The following DSE variants were observed in gnomAD, a reference collection of about 807,000 sequenced individuals.
DSE encodes dermatan-sulfate epimerase.
DSE carries 36 observed loss-of-function variants against 84.4 expected under a neutral mutation model. The ratio of observed to expected loss-of-function variants is 0.43; its 90% CI spans 0.33 to 0.56. The LOEUF (loss-of-function observed/expected upper bound fraction) is 0.56. Ranked by LOEUF, DSE falls within the 20% of genes least tolerant of loss-of-function variation. The pLI is 0.06. For missense variants in DSE, 862 were observed against 1,169.6 expected, an observed-to-expected ratio of 0.74 and a Z score of 3.84; for synonymous variants, 410 against 430.1, an observed-to-expected ratio of 0.95 and a Z score of 0.58.
chr6:116,369,816 G>T, upstream of DSE: 15 of 978,898 alleles, frequency 1.5e-5, no homozygotes, highest in Admixed American at 2.5e-4. Context: ...TCCTTATTTG[G>T]CCAAATAGAA....
chr6:116,417,520 GC>G (rs1162903814), intron 2 of DSE, among the ~76,000 whole-genome samples: 1 of 151,868 alleles, frequency 6.6e-6, no homozygotes, highest in African/African-American at 2.4e-5. Flanking sequence ...CTTGAGTGGG[GC>G]CAAGTTGACT....
intron 2 of DSE, among the ~76,000 whole-genome samples, chr6:116,298,452 C>T (rs1462703510): frequency 6.6e-6 from 1 of 152,116 alleles, no homozygotes; most frequent in Non-Finnish European, 1.5e-5. Context: ...ACTCAACCAG[C>T]CATTGTTAGT....
At chr6:116,431,217 G>T in intron 4 of DSE, 24 bp downstream of exon 4, 1 of 1,611,712 alleles carries the variant, frequency 6.2e-7, no homozygotes, top group Non-Finnish European at 8.5e-7. Flanking sequence ...TCAGAAGTGT[G>T]AAAACATTAA....
rs570117401 is a variant in DSE at position 116,291,941 on chromosome 6, GGAA to G, written c.-54+32980_-54+32982del. Among the ~76,000 whole-genome samples the G allele has an allele frequency of 5.3e-5, 8 of 152,292 alleles. No homozygotes were observed. The East Asian group carries it at 5.8e-4, about 11-fold the overall frequency. ...AAATGTGATTGAGTTATGGAATACA[GGAA>G]GAAGATCGGGTTGTAGTGGGAGGAG... On this transcript the variant is annotated intron_variant, in intron 2 of 3. Coordinates refer to the DSE transcript ENST00000430252.
At chr6:116,316,585 T>C (rs1460457870) in intron 2 of DSE, among the ~76,000 whole-genome samples, 1 of 151,878 alleles carries the variant, frequency 6.6e-6, no homozygotes, top group East Asian at 1.9e-4. Flanking sequence ...ATTTAAATAA[T>C]TTTGTCAAAG....
chr6:116,366,084 T>C (rs934600990), upstream of DSE: 1 of 152,248 alleles, frequency 6.6e-6, no homozygotes. Context: ...CCTTGGCAGG[T>C]ATTTTATATA....
Position 116,291,543 on chromosome 6 carries a change from G to A in DSE, c.-54+32576G>A, listed in dbSNP as rs544932046. ...GGTAAAATGGAATCTGATAGTTAAA[G>A]GCTTTTTATTATACATTATTATATG... is the stretch of plus-strand genomic sequence containing the variant. On this transcript the variant is annotated intron_variant, in intron 2 of 3. Coordinates refer to the DSE transcript ENST00000430252. Among the ~76,000 whole-genome samples the A allele has an allele frequency of 2.3e-4, 35 of 151,030 alleles. No individual in the cohort carries two copies. In the South Asian group the frequency reaches 5.6e-3, roughly 24 times the overall value.
At chr6:116,371,230 G>A (rs1158278889) in intron 1 of DSE, 109 bp downstream of exon 1, 1 of 982,616 alleles carries the variant, frequency 1.0e-6, no homozygotes, top group East Asian at 1.1e-4. Context: ...GGGAGACGGA[G>A]AGCCACGTCC....
chr6:116,410,804 T>C (rs1280590848), intron 2 of DSE, among the ~76,000 whole-genome samples: 1 of 143,716 alleles, frequency 7.0e-6, no homozygotes, highest in East Asian at 2.0e-4. Context: ...AGATTGCCAA[T>C]GTCAAACCAG....
chr6:116,422,677 AAAC>A (rs879556558), intron 2 of DSE, among the ~76,000 whole-genome samples: 1 of 152,212 alleles, frequency 6.6e-6, no homozygotes, highest in East Asian at 1.9e-4. Flanking sequence ...TTTAAAAATT[AAAC>A]AACAACAACA....
chr6:116,426,933 G>A, intron 3 of DSE, 106 bp downstream of exon 3: 1 of 1,425,772 alleles, frequency 7.0e-7, no homozygotes, highest in Non-Finnish European at 9.3e-7. Context: ...GTTCATACTT[G>A]GATCCTAACT....
chr6:116,380,618 T>C (rs1038444426), intron 1 of DSE, among the ~76,000 whole-genome samples: 4 of 152,188 alleles, frequency 2.6e-5, no homozygotes, highest in East Asian at 1.9e-4. Flanking sequence ...CTTATCTCCA[T>C]TGATGACATT....
rs369255804 is a variant in DSE, at chr6:116,293,258, G to A, written c.-54+34291G>A. ...ATATTGAGTTCAAGGTGAATTAAAG[G>A]TTTTTCCTTTTCTTTTTTTCTTTTT... On this transcript the variant is annotated intron_variant, in intron 2 of 3. Coordinates refer to the DSE transcript ENST00000430252. 4.0e-5 allele frequency among the ~76,000 whole-genome samples: 6 copies of A among 150,596 alleles called. No homozygotes were observed. In the Admixed American group the frequency reaches 4.0e-4, roughly 10 times the overall value.
chr6:116,365,737 T>C (rs972227748), upstream of DSE, among the ~76,000 whole-genome samples: 22 of 152,194 alleles, frequency 1.4e-4, no homozygotes, highest in Non-Finnish European at 3.2e-4. Flanking sequence ...CAACTAGGCA[T>C]TGGTGTGTTT....
chr6:116,328,224 G>A (rs7750687), intron 2 of DSE, among the ~76,000 whole-genome samples: 150,720 of 152,354 alleles, frequency 0.99, 74,578 homozygotes, highest in East Asian at 1. Flanking sequence ...GGTTAGGGGA[G>A]AGTCTGATTG....
intron 2 of DSE, among the ~76,000 whole-genome samples, chr6:116,335,447 CA>C (rs923378644): frequency 2.6e-5 from 4 of 151,908 alleles, no homozygotes; most frequent in Admixed American, 2.6e-4. Flanking sequence ...ACCTGGGTGA[CA>C]AAAAAATCTG....
chr6:116,396,620 G>A (rs568942752), intron 1 of DSE, among the ~76,000 whole-genome samples: 1 of 152,300 alleles, frequency 6.6e-6, no homozygotes, highest in South Asian at 2.1e-4. Flanking sequence ...ATGTTGAGAT[G>A]GCATCCTTCC....
rs953487820 is a variant in DSE at position 116,313,490 on chromosome 6, A to T, written c.-54+54523A>T. ...TTTGATTAGAACTTTGTTTTTGTTG[A>T]TTTAGTAATAATGATTGGTTACATA... On this transcript the variant is annotated intron_variant, in intron 2 of 3. Coordinates refer to the DSE transcript ENST00000430252. Among the ~76,000 whole-genome samples, 8 of 152,314 alleles carry T rather than the reference A, an allele frequency of 5.3e-5. No individual in the cohort carries two copies. The South Asian group carries it at 6.2e-4, about 12-fold the overall frequency.
At chr6:116,391,316 C>T (rs540832874) in intron 1 of DSE, among the ~76,000 whole-genome samples, 94 of 152,172 alleles carry the variant, frequency 6.2e-4, no homozygotes, top group Non-Finnish European at 8.7e-4. Flanking sequence ...CGTTATTATA[C>T]ATGGTGTGGT....
Sources: gnomAD v4.1 joint callset for allele counts (sites outside exome capture counted in the v4.1 genomes callset) on GRCh38, gnomAD v4.1.1 for gene constraint, MANE v1.5 for transcripts, NCBI Gene and HGNC (gene_info 2026-07-23, HGNC 2026-07-21) for gene names.